The following GPR160 variants were observed in gnomAD, a reference collection of about 807,000 sequenced individuals.
GPR160 encodes the protein G protein-coupled receptor 160.
A neutral mutation model predicts 2.6 loss-of-function variants in GPR160; 2 were observed. That is an observed-to-expected ratio of 0.77 (90% confidence interval 0.32 to 2.44). The LOEUF is 2.44. GPR160 is among the 30% of genes most tolerant of loss of function. The pLI, the probability that GPR160 is intolerant of heterozygous loss-of-function variation, is 0.11. For synonymous variants in GPR160, 130 were observed against 132.2 expected (o/e 0.98, Z 0.12); for missense variants, 351 against 383.6 (o/e 0.91, Z 0.71).
At chr3:170,065,424 C>T (rs1311863858) in intron 2 of GPR160, among the ~76,000 whole-genome samples, 2 of 152,332 alleles carry the variant, frequency 1.3e-5, no homozygotes, top group East Asian at 3.9e-4. Flanking sequence ...GATCTGATGC[C>T]TAGATAATCT....
chr3:170,083,373 A>ACC (rs1290688326), intron 3 of GPR160: 1 of 152,108 alleles, frequency 6.6e-6, no homozygotes, highest in Non-Finnish European at 1.5e-5. Context: ...AGCTGAAACC[A>ACC]CCTGTTTTCA....
chr3:170,044,179 C>T lies in GPR160; in HGVS notation c.-193+5136C>T, dbSNP rs373708446. On this transcript the variant is annotated intron_variant, in intron 2 of 3. Coordinates refer to ENST00000355897, the MANE Select transcript of GPR160 (RefSeq NM_014373.3). Reference sequence around the variant, plus strand: ...GTCTCTACTAAAAATACAAAATTAGCCTGGCGTGGTGGTGTATGCCTGTAA... The same window carrying T: ...GTCTCTACTAAAAATACAAAATTAGTCTGGCGTGGTGGTGTATGCCTGTAA... 4.9e-4 allele frequency among the ~76,000 whole-genome samples: 75 copies of T among 151,964 alleles called. 1 individual carries two copies. The South Asian group carries it at 0.016, about 32-fold the overall frequency.
intron 2 of GPR160, among the ~76,000 whole-genome samples, chr3:170,047,747 C>T (rs1189882376): frequency 2.0e-5 from 3 of 151,580 alleles, no homozygotes; most frequent in Non-Finnish European, 2.9e-5. Flanking sequence ...TATACACATA[C>T]ACAACACACC....
chr3:170,065,186 G>A (rs2108332329), intron 2 of GPR160, among the ~76,000 whole-genome samples: 1 of 152,242 alleles, frequency 6.6e-6, no homozygotes, highest in African/African-American at 2.4e-5. Flanking sequence ...AAATAAAATA[G>A]CTAATGAGTA....
intron 2 of GPR160, among the ~76,000 whole-genome samples, chr3:170,042,499 T>C (rs1198798439): frequency 6.8e-6 from 1 of 147,862 alleles, no homozygotes; most frequent in Admixed American, 6.7e-5. Flanking sequence ...GGGAAGGAAA[T>C]TTAACATTTA....
intron 3 of GPR160, among the ~76,000 whole-genome samples, chr3:170,082,042 AATC>A (rs1289764231): frequency 3.9e-5 from 6 of 152,196 alleles, no homozygotes; most frequent in Non-Finnish European, 7.3e-5. Flanking sequence ...AAAATTATTT[AATC>A]ATCAGTGACC....
In GPR160 at chr3:170,053,090, G is replaced by A. The variant is rs148129270; in HGVS notation, c.-193+14047G>A. 1.8e-3 allele frequency among the ~76,000 whole-genome samples: 281 copies of A among 152,072 alleles called. 1 individual carries two copies. Among genetic ancestry groups the A allele is most frequent in the African/African-American group, 5.5e-3 (229 of 41,500 alleles). ...GTCTTGAAATCAGGTAGTGTAAGTC[G>A]TCCAACTTTGTTATTGGCTATTCTA... On this transcript the variant is annotated intron_variant, in intron 2 of 3. Transcript: ENST00000355897.
intron 2 of GPR160, among the ~76,000 whole-genome samples, chr3:170,058,229 G>A (rs959355359): frequency 6.6e-6 from 1 of 152,154 alleles, no homozygotes; most frequent in Non-Finnish European, 1.5e-5. Flanking sequence ...CGTGTAGCAG[G>A]CCTGGGTGGG....
chr3:170,048,061 T>G (rs1046596915), intron 2 of GPR160, among the ~76,000 whole-genome samples: 6 of 152,182 alleles, frequency 3.9e-5, no homozygotes, highest in African/African-American at 1.4e-4. Flanking sequence ...ACTCCTGACC[T>G]CAGGTGATCC....
chr3:170,059,872 G>A (rs1231450627), intron 2 of GPR160, among the ~76,000 whole-genome samples: 1 of 152,070 alleles, frequency 6.6e-6, no homozygotes, highest in Non-Finnish European at 1.5e-5. Context: ...CAAGTGTGTG[G>A]TGTTTCCCAC....
intron 2 of GPR160, among the ~76,000 whole-genome samples, chr3:170,068,627 C>T (rs1032100671): frequency 6.6e-6 from 1 of 152,164 alleles, no homozygotes; most frequent in Non-Finnish European, 1.5e-5. Flanking sequence ...CTCTGTTTAC[C>T]TTACTACTTC....
Position 170,083,941 on chromosome 3 carries a change from T to G in GPR160, c.-32T>G. ...GAAGCAGTGTTTTATCATGTGTATT[T>G]CAGCAGGTCTTCTTGAAATTTAACT... is the stretch of plus-strand genomic sequence containing the variant. On this transcript the variant is annotated 5_prime_UTR_variant, in exon 4 of 4. Coordinates refer to ENST00000355897, the MANE Select transcript of GPR160 (RefSeq NM_014373.3). 1 of 1,289,936 alleles carries G rather than the reference T, an allele frequency of 7.8e-7. No homozygotes were observed. The highest frequency in any genetic ancestry group is 1.0e-6 in the Non-Finnish European group (1 of 962,448). 79.9% of individuals were successfully genotyped at this position (1,289,936 alleles called of 1,614,324 possible).
intron 2 of GPR160, among the ~76,000 whole-genome samples, chr3:170,040,122 C>T (rs1197628648): frequency 6.6e-6 from 1 of 152,168 alleles, no homozygotes; most frequent in Non-Finnish European, 1.5e-5. Flanking sequence ...AGCAAAACAC[C>T]ATGGCACATG....
intron 2 of GPR160, among the ~76,000 whole-genome samples, chr3:170,072,672 C>T (rs1267221478): frequency 6.6e-6 from 1 of 152,054 alleles, no homozygotes; most frequent in Non-Finnish European, 1.5e-5. Context: ...AGGGAAGTCC[C>T]AGACTCTTTT....
intron 2 of GPR160, chr3:170,062,949 A>T (rs1712050826): frequency 9.9e-6 from 3 of 302,982 alleles, no homozygotes; most frequent in South Asian, 3.7e-5. Context: ...GAGATCACCG[A>T]CGCCACGGGA....
At chr3:170,054,797 CTT>C (rs200685228) in intron 2 of GPR160, among the ~76,000 whole-genome samples, 22 of 143,172 alleles carry the variant, frequency 1.5e-4, no homozygotes, top group Admixed American at 1.4e-4. Context: ...AATTTCTTTT[CTT>C]TTTTTTTTTT....
chr3:170,055,687 T>A, intron 2 of GPR160, among the ~76,000 whole-genome samples: 1 of 151,988 alleles, frequency 6.6e-6, no homozygotes, highest in East Asian at 1.9e-4. Context: ...CAGGCTGGAG[T>A]GCAGTGGCGC....
Position 170,038,307 on chromosome 3 carries a change from C to T in GPR160, c.-322+92C>T, listed in dbSNP as rs1362370751. On this transcript the variant is annotated intron_variant, in intron 1 of 3. Coordinates refer to ENST00000355897, the MANE Select transcript of GPR160 (RefSeq NM_014373.3). The surrounding 1 kb of genome is among the most constrained non-coding windows in gnomAD (Gnocchi z 5.3). ...GAACGGTCCCCGCGCCGCTCCCAGC[C>T]TCCCTGGCCGGGCGTTCAGCGCGCC... 1 of 152,168 alleles carries T rather than the reference C, an allele frequency of 6.6e-6. No homozygotes were observed. The highest frequency in any genetic ancestry group is 2.4e-5 in the African/African-American group (1 of 41,446). The allele number at this position is 152,168 out of a possible 1,614,324, so 9.4% of individuals were successfully genotyped here.
chr3:170,041,483 G>A (rs896530171), intron 2 of GPR160, among the ~76,000 whole-genome samples: 3 of 151,926 alleles, frequency 2.0e-5, no homozygotes, highest in Non-Finnish European at 4.4e-5. Context: ...TAGTAGAGAC[G>A]GGGTTTCACC....
Sources: gnomAD v4.1 joint callset for allele counts (sites outside exome capture counted in the v4.1 genomes callset) on GRCh38, gnomAD v4.1.1 for gene constraint, Gnocchi (gnomAD v3.1) non-coding constraint, MANE v1.5 for transcripts, NCBI Gene and HGNC (gene_info 2026-07-23, HGNC 2026-07-21) for gene names.